Variants in PRAMEF2 observed in about 807,000 individuals in gnomAD.
PRAMEF2 encodes PRAME family member 2.
A neutral mutation model predicts 38.0 loss-of-function variants in PRAMEF2; 35 were observed. The observed-to-expected ratio is 0.92, with a 90% CI of 0.70 to 1.22. The LOEUF is 1.22. PRAMEF2 is among the 50% of genes most tolerant of loss of function. The pLI is 0.00. For synonymous variants in PRAMEF2, 240 were observed against 232.4 expected, an observed-to-expected ratio of 1.03 and a Z score of -0.30; for missense variants, 562 against 553.9, an observed-to-expected ratio of 1.01 and a Z score of -0.15.
At chr1:12,858,052 A>C (rs55785098) in intron 1 of PRAMEF2, among the ~76,000 whole-genome samples, 13,880 of 144,118 alleles carry the variant, frequency 0.096, 856 homozygotes, top group African/African-American at 0.11. Context: ...CCATCACACC[A>C]CTTTTACAGT....
rs771949187 is a variant in PRAMEF2, at chr1:12,861,251, A to G, written c.897A>G (p.Glu299=). ...RCLQNPLENL[E]LTCGNLLEED... ...TCCAGAACCCCTTGGAGAACTTGGA[A>G]TTAACTTGTGGCAACCTATTAGAAG... Residue 299 remains glutamate (E), a synonymous_variant, in exon 4 of 4, where the codon GAA becomes GAG. Coordinates refer to ENST00000240189, the MANE Select transcript of PRAMEF2 (RefSeq NM_023014.1). 75 of 1,607,766 alleles carry G rather than the reference A, an allele frequency of 4.7e-5. 4 individuals are homozygous for G. Among genetic ancestry groups the G allele is most frequent in the Non-Finnish European group, 5.9e-5 (70 of 1,176,936 alleles).
intron 3 of PRAMEF2, 104 bp downstream of exon 3, chr1:12,860,375 A>G: frequency 3.2e-6 from 5 of 1,544,694 alleles, no homozygotes; most frequent in Non-Finnish European, 4.4e-6. Context: ...TGGCAACGTC[A>G]CAGTGAAGGG....
At position 12,859,772 on chromosome 1, in the gene PRAMEF2, T is replaced by A; in HGVS notation, c.367T>A (p.Ser123Thr). The A allele has an allele frequency of 1.4e-5, 22 of 1,606,738 alleles. No homozygotes were observed. Among genetic ancestry groups the A allele is most frequent in the Non-Finnish European group, 1.8e-5 (21 of 1,177,390 alleles). ...WARWPGAWAL[S>T]CFPEAMSKRQ... is the part of the protein sequence containing the mutation. ...CAGATGGCCTGGAGCCTGGGCCCTGTCCTGCTTCCCAGAGGCCATGAGTAA... is the reference window on the plus strand; with the variant it reads ...CAGATGGCCTGGAGCCTGGGCCCTGACCTGCTTCCCAGAGGCCATGAGTAA... Residue 123 changes from serine to threonine, a missense_variant, in exon 3 of 4, where the codon TCC becomes ACC. Transcript: ENST00000240189.
chr1:12,858,650 T>G (rs1461740747), intron 1 of PRAMEF2, among the ~76,000 whole-genome samples: 1 of 149,708 alleles, frequency 6.7e-6, no homozygotes, highest in African/African-American at 2.5e-5. Context: ...TGCTTTAGGG[T>G]GGTAAGTGAC....
At chr1:12,861,036 G>T (rs1856643) in intron 3 of PRAMEF2, among the ~76,000 whole-genome samples, 185 bp from the exon 4 acceptor site, 10,999 of 142,288 alleles carry the variant, frequency 0.077, 822 homozygotes, top group African/African-American at 0.2. Flanking sequence ...AAAGGGCTGA[G>T]GCTAAAATGG....
chr1:12,859,385 C>T, intron 2 of PRAMEF2, 89 bp downstream of exon 2: 1 of 1,593,878 alleles, frequency 6.3e-7, no homozygotes, highest in East Asian at 2.2e-5. Flanking sequence ...CCAAGTGCGG[C>T]CCAGAGTCTT....
chr1:12,858,090 C>T (rs1484195824), intron 1 of PRAMEF2, among the ~76,000 whole-genome samples: 2 of 149,380 alleles, frequency 1.3e-5, no homozygotes, highest in Non-Finnish European at 3.0e-5. Context: ...TTTTTTTCTG[C>T]GATGTACTCT....
intron 1 of PRAMEF2, 117 bp from the exon 2 acceptor site, chr1:12,858,868 T>C (rs1640489867): frequency 8.4e-7 from 1 of 1,186,234 alleles, no homozygotes; most frequent in South Asian, 1.5e-5. Flanking sequence ...ACAGTGGAAT[T>C]GGGGTAAAGT....
chr1:12,857,333 G>T (rs1211893494), intron 1 of PRAMEF2, among the ~76,000 whole-genome samples, 186 bp downstream of exon 1: 1 of 149,476 alleles, frequency 6.7e-6, no homozygotes, highest in East Asian at 2.0e-4. Context: ...ATTTGTGCTT[G>T]GTTTTTGTCA....
In PRAMEF2 at chr1:12,859,539, C is replaced by A. The variant is rs1640506303; in HGVS notation, c.288-154C>A. 2.0e-5 allele frequency among the ~76,000 whole-genome samples: 3 copies of A among 151,154 alleles called. No homozygotes were observed. In the South Asian group the frequency reaches 6.3e-4, roughly 32 times the overall value. ...AAGGTAAAGGGAATAGAAGTGGGGACCACTCAGAATCCAAAGGGAAAAGGG... is the reference window on the plus strand; with the variant it reads ...AAGGTAAAGGGAATAGAAGTGGGGAACACTCAGAATCCAAAGGGAAAAGGG... On this transcript the variant is annotated intron_variant, in intron 2 of 3. Coordinates refer to ENST00000240189, the MANE Select transcript of PRAMEF2 (RefSeq NM_023014.1).
chr1:12,858,643 T>A (rs1167723688), intron 1 of PRAMEF2, among the ~76,000 whole-genome samples: 1 of 150,076 alleles, frequency 6.7e-6, no homozygotes, highest in African/African-American at 2.4e-5. Context: ...TTCTCAATGC[T>A]TTAGGGTGGT....
intron 3 of PRAMEF2, 79 bp downstream of exon 3, chr1:12,860,350 C>T: frequency 6.3e-7 from 1 of 1,580,264 alleles, no homozygotes; most frequent in Non-Finnish European, 8.6e-7. Flanking sequence ...AAGGCGTGTA[C>T]TGTGTGCCAG....
chr1:12,859,199 C>T lies in PRAMEF2; in HGVS notation c.190C>T (p.Leu64Phe), dbSNP rs1394188992. 4 of 1,609,664 alleles carry T rather than the reference C, an allele frequency of 2.5e-6. No individual in the cohort carries two copies. Among genetic ancestry groups the T allele is most frequent in the Non-Finnish European group, 3.4e-6 (4 of 1,178,296 alleles). The stretch of plus-strand genomic sequence containing the variant: ...GGTGCAGGCCTGGCCTTTCACCTGC[C>T]TCCCTCTGGTATCGCTGATGAAGAC... Reference protein sequence around the residue: ...VMVQAWPFTCLPLVSLMKTLH... With the variant: ...VMVQAWPFTCFPLVSLMKTLH... Residue 64 changes from leucine to phenylalanine, a missense_variant, in exon 2 of 4, where the codon CTC becomes TTC. Physicochemically the swap from Leu to Phe is conservative, Grantham distance 22. Transcript: ENST00000240189.
At position 12,861,300 on chromosome 1, in the gene PRAMEF2, T is replaced by A. The variant is rs767926163; in HGVS notation, c.946T>A (p.Phe316Ile). Residue 316 changes from phenylalanine to isoleucine, a missense_variant, in exon 4 of 4, where the codon TTC (phenylalanine) becomes ATC (isoleucine). By Grantham distance (21) the Phe-to-Ile change is conservative (BLOSUM62 0). This residue lies in a region of PRAMEF2 where 486 missense variants were observed against 444.2 expected (regional missense o/e 1.09). Coordinates refer to ENST00000240189, the MANE Select transcript of PRAMEF2 (RefSeq NM_023014.1). ...AGAGGACTTGAAGTGTCTCTCCCAG[T>A]TCCCAAGCCTCGGTTACCTAAAGCA... is the stretch of plus-strand genomic sequence containing the variant. Reference protein sequence around the residue: ...LEEDLKCLSQFPSLGYLKHLN... With the variant: ...LEEDLKCLSQIPSLGYLKHLN... 2 of 1,607,194 alleles carry A rather than the reference T, an allele frequency of 1.2e-6. No individual in the cohort carries two copies. Among genetic ancestry groups the A allele is most frequent in the African/African-American group, 1.3e-5 (1 of 74,326 alleles).
chr1:12,858,904 C>T, intron 1 of PRAMEF2, 81 bp from the exon 2 acceptor site: 1 of 1,462,372 alleles, frequency 6.8e-7, no homozygotes, highest in South Asian at 1.3e-5. Context: ...TCTACCAGAG[C>T]AATGATATTG....
At chr1:12,860,832 G>A (rs917113025) in intron 3 of PRAMEF2, among the ~76,000 whole-genome samples, 22 of 150,126 alleles carry the variant, frequency 1.5e-4, no homozygotes, top group African/African-American at 5.1e-4. Context: ...TTGGTTTGCA[G>A]ATGCAGGCAT....
In PRAMEF2 at chr1:12,859,544, C is replaced by G; in HGVS notation, c.288-149C>G. On this transcript the variant is annotated intron_variant, in intron 2 of 3. Transcript: ENST00000240189. ...AAAGGGAATAGAAGTGGGGACCACT[C>G]AGAATCCAAAGGGAAAAGGGATTGA... 7 of 1,471,616 alleles carry G rather than the reference C, an allele frequency of 4.8e-6. No homozygotes were observed. In the South Asian group the frequency reaches 9.1e-5, roughly 19 times the overall value. The allele number at this position is 1,471,616 out of a possible 1,614,324, so 91.2% of individuals were successfully genotyped here. A position where few individuals can be genotyped will look rare whatever the true frequency, so the allele number is the denominator to read the frequency against.
At position 12,859,135 on chromosome 1, in the gene PRAMEF2, G is replaced by A. The variant is rs1343226780; in HGVS notation, c.126G>A (p.Glu42=). ...TGCTCTATCTCCCACTCTTCAGGGAGGCCTTCAGCAGGAGACACTTCCAGA... is the reference window on the plus strand; with the variant it reads ...TGCTCTATCTCCCACTCTTCAGGGAAGCCTTCAGCAGGAGACACTTCCAGA... The part of the protein sequence containing the change: ...PRVLYLPLFR[E]AFSRRHFQTL... Residue 42 remains glutamate (E), a synonymous_variant, in exon 2 of 4, where the codon GAG becomes GAA. Transcript: ENST00000240189. 4 of 1,607,262 alleles carry A rather than the reference G, an allele frequency of 2.5e-6. No homozygotes were observed. Among genetic ancestry groups the A allele is most frequent in the East Asian group, 4.5e-5 (2 of 44,702 alleles).
intron 1 of PRAMEF2, among the ~76,000 whole-genome samples, chr1:12,857,550 G>A (rs1640468720): frequency 1.4e-5 from 2 of 141,586 alleles, no homozygotes; most frequent in South Asian, 2.2e-4. Context: ...CAAGAGTGCA[G>A]TTTTGCTCAG....
Sources: gnomAD v4.1 joint callset for allele counts (sites outside exome capture counted in the v4.1 genomes callset) on GRCh38, gnomAD v4.1.1 for gene constraint, gnomAD v4.1.1 regional missense constraint, MANE v1.5 for transcripts, NCBI Gene and HGNC (gene_info 2026-07-23, HGNC 2026-07-21) for gene names.